ADGRL2: variants seen among roughly 807,000 people sequenced by gnomAD.
ADGRL2 encodes the protein calcium-independent alpha-latrotoxin receptor 2.
A neutral mutation model predicts 157.4 loss-of-function variants in ADGRL2; 44 were observed. That is an observed-to-expected ratio of 0.28 (90% CI 0.22 to 0.36). ADGRL2 has a LOEUF of 0.36. Among genes scored for constraint, ADGRL2 ranks in the 10% least tolerant of loss-of-function variants. ADGRL2 has a pLI of 1.00. For synonymous variants in ADGRL2, 585 were observed against 624.7 expected (o/e 0.94, Z 0.95); for missense variants, 1,510 against 1,768.9 (o/e 0.85, Z 2.63).
At chr1:81,567,476 T>C (rs1208161927) in intron 2 of ADGRL2, among the ~76,000 whole-genome samples, 1 of 152,136 alleles carries the variant, frequency 6.6e-6, no homozygotes, top group Non-Finnish European at 1.5e-5. Context: ...TGTAGGGCAC[T>C]CGGTACTTAT....
chr1:81,867,804 T>C (rs145509792), intron 2 of ADGRL2, among the ~76,000 whole-genome samples: 14 of 152,290 alleles, frequency 9.2e-5, no homozygotes, highest in African/African-American at 3.4e-4. Flanking sequence ...AGTTAACTTA[T>C]CCATTTGTGA....
chr1:81,608,442 A>T (rs930837232), intron 3 of ADGRL2, among the ~76,000 whole-genome samples: 11 of 152,194 alleles, frequency 7.2e-5, no homozygotes, highest in Admixed American at 7.2e-4. Context: ...AAGTCTTTAG[A>T]TCTCATTAAT....
intron 3 of ADGRL2, among the ~76,000 whole-genome samples, chr1:81,609,135 G>A (rs985218342): frequency 3.3e-5 from 5 of 151,888 alleles, no homozygotes; most frequent in Non-Finnish European, 7.4e-5. Flanking sequence ...TGCCTCCTGG[G>A]TTCAAGTGAT....
intron 3 of ADGRL2, among the ~76,000 whole-genome samples, chr1:81,665,698 C>T (rs1162144454): frequency 6.6e-6 from 1 of 152,078 alleles, no homozygotes; most frequent in Non-Finnish European, 1.5e-5. Flanking sequence ...ATCTAGAAGC[C>T]TCCAATATTA....
At chr1:81,841,926 A>G (rs1474274275) in intron 2 of ADGRL2, among the ~76,000 whole-genome samples, 1 of 152,198 alleles carries the variant, frequency 6.6e-6, no homozygotes, top group Non-Finnish European at 1.5e-5. Context: ...TCACAGAGGC[A>G]TTGGGATGAG....
rs540708449 is a variant in ADGRL2 at position 81,760,596 on chromosome 1, AT to A, written c.-142-1214del. Among the ~76,000 whole-genome samples the A allele has an allele frequency of 1.8e-3, 267 of 152,142 alleles. 1 individual carries two copies. Among genetic ancestry groups the A allele is most frequent in the African/African-American group, 5.4e-3 (224 of 41,556 alleles). On this transcript the variant is annotated intron_variant, in intron 1 of 20. Coordinates refer to the ADGRL2 transcript ENST00000359929. ...TCATGGGGATAGACATCTATAAAAA[AT>A]ATCAATGTTTTCCCCTTTAGTTCTT...
At chr1:81,873,008 A>G (rs540356772) in intron 2 of ADGRL2, among the ~76,000 whole-genome samples, 1 of 152,260 alleles carries the variant, frequency 6.6e-6, no homozygotes, top group African/African-American at 2.4e-5. Flanking sequence ...GAGCAAATTT[A>G]TAGTATGAAA....
At chr1:81,940,411 C>T (rs949691406) in intron 4 of ADGRL2, among the ~76,000 whole-genome samples, 3 of 151,496 alleles carry the variant, frequency 2.0e-5, no homozygotes, top group South Asian at 4.1e-4. Context: ...GTGGTTTATA[C>T]AAAAGTATTG....
intron 1 of ADGRL2, among the ~76,000 whole-genome samples, chr1:81,325,244 A>G (rs1660815907): frequency 6.6e-6 from 1 of 152,172 alleles, no homozygotes. Context: ...TTAAAAAACT[A>G]GACTGTCCAG....
chr1:81,684,263 G>A (rs1376715831), intron 3 of ADGRL2, among the ~76,000 whole-genome samples: 2 of 152,166 alleles, frequency 1.3e-5, no homozygotes. Context: ...GTGTAGAAGT[G>A]TTCCCTGATC....
At chr1:81,802,324 C>T (rs891721918) in intron 1 of ADGRL2, among the ~76,000 whole-genome samples, 2 of 152,016 alleles carry the variant, frequency 1.3e-5, no homozygotes, top group African/African-American at 4.8e-5. Flanking sequence ...GCTGGAGGCG[C>T]AGGGAGCCGC....
At chr1:81,874,770 A>G (rs1208055418) in intron 2 of ADGRL2, among the ~76,000 whole-genome samples, 1 of 151,506 alleles carries the variant, frequency 6.6e-6, no homozygotes, top group Non-Finnish European at 1.5e-5. Context: ...CAGTGGCACC[A>G]TCTCAGCTTA....
At chr1:81,546,674 C>T (rs1048717543) in intron 2 of ADGRL2, among the ~76,000 whole-genome samples, 1 of 152,130 alleles carries the variant, frequency 6.6e-6, no homozygotes, top group Admixed American at 6.5e-5. Context: ...GCAATTCAAC[C>T]CATCTCTTTA....
At position 81,778,190 on chromosome 1, in the gene ADGRL2, C is replaced by T. The variant is rs144175944; in HGVS notation, c.-101+16338C>T. Among the ~76,000 whole-genome samples the T allele has an allele frequency of 6.5e-3, 876 of 134,028 alleles. 8 individuals are homozygous for T. Among genetic ancestry groups the T allele is most frequent in the African/African-American group, 0.024 (798 of 33,168 alleles). 87.9% of individuals were successfully genotyped at this position (134,028 alleles called of 152,430 possible). A position where few individuals can be genotyped will look rare whatever the true frequency, so the allele number is the denominator to read the frequency against. On this transcript the variant is annotated intron_variant, in intron 2 of 20. Transcript: ENST00000359929. ...AAAAAAAATTAGCCAAGCATGGTGG[C>T]GGGCACTTGTAGTCCCAGCTCCTCG...
At chr1:81,776,508 A>G (rs2086593799) in intron 2 of ADGRL2, among the ~76,000 whole-genome samples, 1 of 152,216 alleles carries the variant, frequency 6.6e-6, no homozygotes. Context: ...TATAAAATTA[A>G]AATAGGCATA....
rs185869613 is a variant in ADGRL2 at position 81,332,551 on chromosome 1, G to A, written c.-302+26042G>A. On this transcript the variant is annotated intron_variant, in intron 1 of 24. Transcript: ENST00000370721. ...AACATTAAATTCAAACCTCCTCATG[G>A]AAATACAATTTAATCCCAGGTAGAT... 6.3e-3 allele frequency among the ~76,000 whole-genome samples: 963 copies of A among 152,188 alleles called. 6 individuals are homozygous for A. The highest frequency in any genetic ancestry group is 9.6e-3 in the Non-Finnish European group (650 of 67,986).
At chr1:81,376,166 T>A (rs1292804815) in intron 1 of ADGRL2, among the ~76,000 whole-genome samples, 1 of 152,130 alleles carries the variant, frequency 6.6e-6, no homozygotes, top group Non-Finnish European at 1.5e-5. Flanking sequence ...TTGAAAAAAA[T>A]CTTATTTGTT....
chr1:81,834,488 T>C (rs1433729212), intron 1 of ADGRL2, among the ~76,000 whole-genome samples: 1 of 152,166 alleles, frequency 6.6e-6, no homozygotes, highest in Non-Finnish European at 1.5e-5. Flanking sequence ...GATTATTTAT[T>C]CGTTCTATTC....
At chr1:81,832,010 A>G (rs2091975364) in intron 1 of ADGRL2, among the ~76,000 whole-genome samples, 1 of 152,118 alleles carries the variant, frequency 6.6e-6, no homozygotes, top group South Asian at 2.1e-4. Flanking sequence ...CTTTTTTGGT[A>G]AGGATTAGTG....
Sources: allele counts gnomAD v4.1 joint callset (sites outside exome capture counted in the v4.1 genomes callset), GRCh38; gene constraint gnomAD v4.1.1; transcripts MANE v1.5; gene names NCBI Gene and HGNC (gene_info 2026-07-23, HGNC 2026-07-21).